ATP13A4: variants seen among roughly 807,000 people sequenced by gnomAD.
ATP13A4 encodes the protein ATPase 13A4.
A neutral mutation model predicts 142.5 loss-of-function variants in ATP13A4; 114 were observed. The observed-to-expected ratio is 0.80, with a 90% CI of 0.69 to 0.93. The LOEUF is 0.93. Ranked by LOEUF, ATP13A4 falls within the 40% of genes least tolerant of loss-of-function variation. ATP13A4 has a pLI of 0.00. For missense variants in ATP13A4, 1,392 were observed against 1,454.0 expected (o/e 0.96, Z 0.69); for synonymous variants, 488 against 514.8 (o/e 0.95, Z 0.70).
At chr3:193,402,933 C>A in intron 29 of ATP13A4, 69 bp from the exon 30 acceptor site, 2 of 1,386,234 alleles carry the variant, frequency 1.4e-6, no homozygotes, top group Non-Finnish European at 2.0e-6. Flanking sequence ...CCTCCACAGG[C>A]CATCATAAGT....
chr3:193,573,276 CATATATATATATACACAT>C lies in ATP13A4; in HGVS notation n.291+8413_291+8430del, dbSNP rs1430952273. Among the ~76,000 whole-genome samples, 6 of 77,844 alleles carry C rather than the reference CATATATATATATACACAT, an allele frequency of 7.7e-5. 1 individual carries two copies. Among genetic ancestry groups the C allele is most frequent in the South Asian group, 3.5e-4 (1 of 2,828 alleles). The allele number at this position is 77,844 out of a possible 152,430, so 51.1% of individuals were successfully genotyped here. ...TACCACAGCCATATATATATATATA[CATATATATATATACACAT>C]ATATATATATATACATATATATATA... On this transcript the variant is annotated intron_variant and non_coding_transcript_variant, in intron 2 of 3. Coordinates refer to the ATP13A4 transcript ENST00000489140.
intron 1 of ATP13A4, among the ~76,000 whole-genome samples, chr3:193,540,527 C>CAAAAAAA (rs11360543): frequency 2.2e-5 from 1 of 44,780 alleles, no homozygotes; most frequent in Non-Finnish European, 3.8e-5. Context: ...GGCTCTCTGC[C>CAAAAAAA]AAAAAAAAAA....
intron 26 of ATP13A4, 38 bp downstream of exon 26, chr3:193,414,541 T>TAGAATGTGAGA (rs754184285): frequency 6.2e-7 from 1 of 1,605,960 alleles, no homozygotes; most frequent in South Asian, 1.1e-5. Flanking sequence ...TGATAGAAAT[T>TAGAATGTGAGA]AGAATGTGAG....
chr3:193,482,499 AT>A lies in ATP13A4; in HGVS notation c.808+1436del, dbSNP rs1719352667. ...AAGGTAAGTCATAGACTGAGAGAAA[AT>A]ATTTGCAAATCATTTATCTGATAAA... is the stretch of plus-strand genomic sequence containing the variant. On this transcript the variant is annotated intron_variant, in intron 8 of 29. Coordinates refer to ENST00000342695, the MANE Select transcript of ATP13A4 (RefSeq NM_032279.4). Among the ~76,000 whole-genome samples the A allele has an allele frequency of 2.0e-5, 3 of 152,314 alleles. No individual in the cohort carries two copies. In the South Asian group the frequency reaches 6.2e-4, roughly 32 times the overall value.
intron 1 of ATP13A4, chr3:193,553,695 T>C (rs900929704): frequency 1.3e-5 from 2 of 152,256 alleles, no homozygotes; most frequent in Non-Finnish European, 2.9e-5. Context: ...TACTTCTTTA[T>C]AATTTTTTCA....
chr3:193,476,161 G>A (rs948728239), intron 8 of ATP13A4, among the ~76,000 whole-genome samples: 2 of 151,990 alleles, frequency 1.3e-5, no homozygotes, highest in Non-Finnish European at 2.9e-5. Context: ...TCCTAAGTAT[G>A]TTTTCTAAAA....
At chr3:193,472,645 C>G (rs1274261589) in intron 8 of ATP13A4, among the ~76,000 whole-genome samples, 1 of 152,196 alleles carries the variant, frequency 6.6e-6, no homozygotes, top group Non-Finnish European at 1.5e-5. Flanking sequence ...GTTACAACCA[C>G]AGTGTGTAAG....
chr3:193,516,937 G>A (rs1313818657), intron 1 of ATP13A4, among the ~76,000 whole-genome samples: 1 of 152,126 alleles, frequency 6.6e-6, no homozygotes, highest in East Asian at 1.9e-4. Context: ...TAATAATAGT[G>A]ATTATTAACA....
intron 2 of ATP13A4, among the ~76,000 whole-genome samples, chr3:193,507,764 C>T (rs1231511468): frequency 6.6e-6 from 1 of 152,106 alleles, no homozygotes; most frequent in Non-Finnish European, 1.5e-5. Context: ...TTGACTAATG[C>T]CCATGGAATG....
At chr3:193,404,626 T>C (rs1046530184) in intron 29 of ATP13A4, among the ~76,000 whole-genome samples, 1 of 152,126 alleles carries the variant, frequency 6.6e-6, no homozygotes, top group African/African-American at 2.4e-5. Context: ...CTTCTCTCTC[T>C]TCCTCCTGCT....
chr3:193,413,862 T>C (rs1286030101), intron 26 of ATP13A4, among the ~76,000 whole-genome samples: 1 of 152,230 alleles, frequency 6.6e-6, no homozygotes, highest in Non-Finnish European at 1.5e-5. Flanking sequence ...CTTTGCCTTG[T>C]GATCTTTGCT....
chr3:193,442,347 G>A, intron 19 of ATP13A4, 46 bp downstream of exon 19: 1 of 1,585,382 alleles, frequency 6.3e-7, no homozygotes, highest in Non-Finnish European at 8.7e-7. Context: ...CACCAACACT[G>A]CAAGACACAT....
At chr3:193,472,512 G>C (rs139618553) in intron 8 of ATP13A4, among the ~76,000 whole-genome samples, 1 of 152,188 alleles carries the variant, frequency 6.6e-6, no homozygotes, top group East Asian at 1.9e-4. Context: ...TCGACTTAAA[G>C]AAAACAAAAC....
intron 2 of ATP13A4, among the ~76,000 whole-genome samples, chr3:193,566,836 G>A (rs957056390): frequency 6.6e-6 from 1 of 152,106 alleles, no homozygotes; most frequent in East Asian, 1.9e-4. Flanking sequence ...GCACACATAT[G>A]TTAAAAATGA....
intron 8 of ATP13A4, among the ~76,000 whole-genome samples, chr3:193,472,767 C>T (rs1718699648): frequency 6.6e-6 from 1 of 152,130 alleles, no homozygotes; most frequent in Non-Finnish European, 1.5e-5. Flanking sequence ...CAGGCATCTA[C>T]CTGGGGTCTT....
At chr3:193,514,156 G>C (rs1721281009) in intron 2 of ATP13A4, among the ~76,000 whole-genome samples, 1 of 152,270 alleles carries the variant, frequency 6.6e-6, no homozygotes, top group South Asian at 2.1e-4. Context: ...CTTCATGGGG[G>C]TTTGTTGTAT....
chr3:193,463,885 C>T (rs1718108721), intron 12 of ATP13A4, among the ~76,000 whole-genome samples: 1 of 152,106 alleles, frequency 6.6e-6, no homozygotes, highest in South Asian at 2.1e-4. Flanking sequence ...CTATAAAATA[C>T]AGCCCTGATC....
rs374680814 is a variant in ATP13A4, at chr3:193,467,399, C to T, written c.1031G>A (p.Arg344Gln). 1.2e-5 allele frequency: 19 copies of T among 1,614,042 alleles called. No homozygotes were observed. The highest frequency in any genetic ancestry group is 4.4e-5 in the South Asian group (4 of 91,080). Residue 344 changes from arginine to glutamine, a missense_variant, in exon 10 of 30, where the codon CGG (arginine) becomes CAG (glutamine). Arg to Gln is a conservative substitution (Grantham distance 43, BLOSUM62 1). Coordinates refer to ENST00000342695, the MANE Select transcript of ATP13A4 (RefSeq NM_032279.4). Reference protein sequence around the residue: ...WKTQSEADYKRHVLFCGTEVI... With the variant: ...WKTQSEADYKQHVLFCGTEVI... ...CTCTGTTCCACAGAAGAGGACATGC[C>T]GCTTGTAATCCGCTTCACTCTGTGT...
At chr3:193,538,135 A>G (rs1722684957) in intron 1 of ATP13A4, among the ~76,000 whole-genome samples, 1 of 152,196 alleles carries the variant, frequency 6.6e-6, no homozygotes, top group African/African-American at 2.4e-5. Flanking sequence ...ATCTCCCTGT[A>G]TTATTTCTTA....
Sources: gnomAD v4.1 joint callset for allele counts (sites outside exome capture counted in the v4.1 genomes callset) on GRCh38, gnomAD v4.1.1 for gene constraint, MANE v1.5 for transcripts, NCBI Gene and HGNC (gene_info 2026-07-23, HGNC 2026-07-21) for gene names.